AMBRA1: variants seen among roughly 807,000 people sequenced by gnomAD.
AMBRA1 encodes the protein activating molecule in BECN1-regulated autophagy protein 1.
AMBRA1 carries 47 observed loss-of-function variants against 125.4 expected under a neutral mutation model. The observed-to-expected ratio is 0.37, with a 90% confidence interval of 0.30 to 0.48. AMBRA1 has a LOEUF of 0.48. Ranked by LOEUF, AMBRA1 falls within the 20% of genes least tolerant of loss-of-function variation. The probability of loss-of-function intolerance (pLI) is 0.99; values close to 1 mark genes in which losing one functional copy is unlikely to be tolerated. For missense variants in AMBRA1, 1,331 were observed against 1,693.4 expected (o/e 0.79, Z 3.76); for synonymous variants, 626 against 655.5 (o/e 0.95, Z 0.69).
chr11:46,516,847 T>C (rs957120793), intron 7 of AMBRA1, among the ~76,000 whole-genome samples: 2 of 152,044 alleles, frequency 1.3e-5, no homozygotes, highest in South Asian at 2.1e-4. Context: ...CACCACAAAC[T>C]TGACTTGACT....
At chr11:46,553,189 C>A (rs1479043343) in intron 1 of AMBRA1, among the ~76,000 whole-genome samples, 1 of 151,898 alleles carries the variant, frequency 6.6e-6, no homozygotes, top group African/African-American at 2.4e-5. Flanking sequence ...GTGATCCACC[C>A]GCCTCAGCCT....
At chr11:46,404,874 C>A (rs901999) in intron 17 of AMBRA1, among the ~76,000 whole-genome samples, 149,738 of 152,288 alleles carry the variant, frequency 0.98, 73,665 homozygotes, top group East Asian at 1. Flanking sequence ...GCATGCTAAC[C>A]AAGAAAACAG....
At chr11:46,432,338 G>C (rs919530137) in intron 14 of AMBRA1, among the ~76,000 whole-genome samples, 1 of 152,184 alleles carries the variant, frequency 6.6e-6, no homozygotes. Flanking sequence ...TAGGGGACAG[G>C]AGGGCATTCC....
rs542555990 is a variant in AMBRA1, at chr11:46,547,960, T to C, written c.136-85A>G. ...TATCTCAAAAGCACATTAACCATTC[T>C]AGATTAGCATTCACAGTGTAGGCTT... is the stretch of plus-strand genomic sequence containing the variant. On this transcript the variant is annotated intron_variant, in intron 2 of 17. Coordinates refer to ENST00000683756, the MANE Select transcript of AMBRA1 (RefSeq NM_001387011.1). The C allele has an allele frequency of 6.6e-5, 96 of 1,450,032 alleles. 5 individuals are homozygous for C. The South Asian group carries it at 9.0e-4, about 14-fold the overall frequency. 89.8% of individuals were successfully genotyped at this position (1,450,032 alleles called of 1,614,324 possible).
chr11:46,519,131 C>A (rs1264368194), intron 7 of AMBRA1, among the ~76,000 whole-genome samples: 1 of 152,216 alleles, frequency 6.6e-6, no homozygotes. Flanking sequence ...TTAAGCAATT[C>A]TCTTGCCTCA....
intron 11 of AMBRA1, among the ~76,000 whole-genome samples, chr11:46,474,560 G>C (rs116134193): frequency 4.6e-5 from 7 of 152,198 alleles, no homozygotes; most frequent in African/African-American, 1.7e-4. Context: ...GGCTGACTTC[G>C]TATTTTTAGT....
rs1039428838 is a variant in AMBRA1, at chr11:46,543,390, G to A, written c.627C>T (p.Asp209=). ...TTCCATCTATGGGGATCTCTGGTTCGTCATCACCCTGCAACGTGGACCAGC... is the reference window on the plus strand; with the variant it reads ...TTCCATCTATGGGGATCTCTGGTTCATCATCACCCTGCAACGTGGACCAGC... ...IVNPSNQQGD[D]EPEIPIDGTE... The change falls in exon 7 of 18, where the codon GAC becomes GAT. Residue 209 remains aspartate (D), a synonymous_variant. Transcript: ENST00000683756. The A allele has an allele frequency of 3.7e-6, 6 of 1,613,640 alleles. No individual in the cohort carries two copies. The highest frequency in any genetic ancestry group is 1.6e-4 in the Middle Eastern group (1 of 6,080).
intron 1 of AMBRA1, among the ~76,000 whole-genome samples, chr11:46,586,420 A>C (rs1193117557): frequency 1.3e-5 from 2 of 152,176 alleles, no homozygotes; most frequent in African/African-American, 4.8e-5. Flanking sequence ...ATAATTTTTT[A>C]ATTAAAAATA....
chr11:46,584,368 T>G (rs1392096365), intron 1 of AMBRA1, among the ~76,000 whole-genome samples: 5 of 96,718 alleles, frequency 5.2e-5, no homozygotes, highest in Admixed American at 1.4e-4. Context: ...CTCTGGGGAC[T>G]GTTGTGGGGT....
At chr11:46,454,873 C>G (rs889937141) in intron 11 of AMBRA1, among the ~76,000 whole-genome samples, 5 of 134,442 alleles carry the variant, frequency 3.7e-5, no homozygotes, top group Non-Finnish European at 8.0e-5. Flanking sequence ...CTGGTATTAG[C>G]TTTTTTTTTT....
intron 4 of AMBRA1, 96 bp downstream of exon 4, chr11:46,547,017 G>T: frequency 8.2e-7 from 1 of 1,221,956 alleles, no homozygotes; most frequent in Non-Finnish European, 1.1e-6. Context: ...GTTGCAGCGA[G>T]CCAAGATCAC....
Position 46,543,311 on chromosome 11 carries a change from G to C in AMBRA1, c.706C>G (p.Arg236Gly). 2 of 1,614,056 alleles carry C rather than the reference G, an allele frequency of 1.2e-6. No individual in the cohort carries two copies. The highest frequency in any genetic ancestry group is 2.2e-5 in the South Asian group (2 of 91,072). Residue 236 changes from arginine (R) to glycine (G), a missense_variant, in exon 7 of 18, where the codon CGG becomes GGG. Coordinates refer to ENST00000683756, the MANE Select transcript of AMBRA1 (RefSeq NM_001387011.1). ...RALLQSQPVR[R>G]TPLLHNFLHM... ...AGGAAATTGTGGAGGAGAGGCGTCC[G>C]GCGAACTGGCTGTGATTGCAGGAGG...
chr11:46,423,394 A>G (rs1475815920), intron 14 of AMBRA1, among the ~76,000 whole-genome samples: 1 of 151,544 alleles, frequency 6.6e-6, no homozygotes, highest in Non-Finnish European at 1.5e-5. Context: ...TTATTATTTT[A>G]TTTTTTTTCT....
At chr11:46,571,027 C>G (rs746896908) in intron 1 of AMBRA1, among the ~76,000 whole-genome samples, 7 of 152,160 alleles carry the variant, frequency 4.6e-5, no homozygotes, top group African/African-American at 9.7e-5. Flanking sequence ...GTGTTACCCT[C>G]AAGGAAGTAC....
chr11:46,488,372 C>T (rs1229018050), intron 11 of AMBRA1, among the ~76,000 whole-genome samples: 1 of 151,966 alleles, frequency 6.6e-6, no homozygotes, highest in Non-Finnish European at 1.5e-5. Context: ...AGGAGAATCG[C>T]TTGAACCCAA....
chr11:46,448,859 T>C (rs79357176), intron 11 of AMBRA1, among the ~76,000 whole-genome samples: 3,404 of 152,258 alleles, frequency 0.022, 127 homozygotes, highest in African/African-American at 0.078. Context: ...ATGGACTAAC[T>C]TTCCTTGAAA....
At position 46,433,552 on chromosome 11, in the gene AMBRA1, C is replaced by T; in HGVS notation, c.2898G>A (p.Leu966=). The T allele has an allele frequency of 6.2e-7, 1 of 1,614,182 alleles. No homozygotes were observed. Among genetic ancestry groups the T allele is most frequent in the South Asian group, 1.1e-5 (1 of 91,088 alleles). The change falls in exon 14 of 18, where the codon CTG becomes CTA. Residue 966 remains leucine, a synonymous_variant. Transcript: ENST00000683756. ...VMVGLASRRI[L]LHPSTEHMVA... is the part of the protein sequence containing the mutation. The stretch of plus-strand genomic sequence containing the variant: ...CCATGTGCTCTGTGGAGGGGTGCAG[C>T]AGGATCCTTCGTGAGGCCAAGCCCA...
In AMBRA1 at chr11:46,544,788, A is replaced by G. The variant is rs150548429; in HGVS notation, c.552-747T>C. Among the ~76,000 whole-genome samples the G allele has an allele frequency of 1.4e-4, 22 of 152,268 alleles. No homozygotes were observed. The East Asian group carries it at 1.7e-3, about 12-fold the overall frequency. On this transcript the variant is annotated intron_variant, in intron 5 of 17. Transcript: ENST00000683756. ...ATAAGGGAAAGCTGAAATGAACAAAATGAATGTCTCCCAGCTGATTAGTCA... is the reference window on the plus strand; with the variant it reads ...ATAAGGGAAAGCTGAAATGAACAAAGTGAATGTCTCCCAGCTGATTAGTCA...
rs749849167 is a variant in AMBRA1 at position 46,545,586 on chromosome 11, A to T, written c.551+18T>A. 1.2e-5 allele frequency: 19 copies of T among 1,611,562 alleles called. No individual in the cohort carries two copies. The highest frequency in any genetic ancestry group is 6.7e-5 in the Admixed American group (4 of 59,882). Reference sequence around the variant, plus strand: ...GTCAGTCCTGTGCCAGACAATGCAGATGGGGCAGCGCACTCACCGGACCCG... The same window carrying T: ...GTCAGTCCTGTGCCAGACAATGCAGTTGGGGCAGCGCACTCACCGGACCCG... On this transcript the variant is annotated intron_variant, in intron 5 of 17. Transcript: ENST00000683756.
Sources: allele counts gnomAD v4.1 joint callset (sites outside exome capture counted in the v4.1 genomes callset), GRCh38; gene constraint gnomAD v4.1.1; transcripts MANE v1.5; gene names NCBI Gene and HGNC (gene_info 2026-07-23, HGNC 2026-07-21).